The following CIMIP2A variants were observed in gnomAD, a reference collection of about 807,000 sequenced individuals.
CIMIP2A encodes the protein family with sequence similarity 166 member A.
At chr9:137,253,632 C>A in the CIMIP2A span, 1 of 665,516 alleles carries the variant, frequency 1.5e-6, no homozygotes, top group Non-Finnish European at 2.3e-6. Context: ...CAGCCTGTGA[C>A]TGACCCTGAG....
the CIMIP2A span, chr9:137,252,755 G>A: frequency 3.2e-6 from 5 of 1,560,360 alleles, no homozygotes; most frequent in East Asian, 9.6e-5. Flanking sequence ...GACACCTGAA[G>A]GCCACACCCA....
At chr9:137,245,357 C>G in the CIMIP2A span, 2 of 1,608,676 alleles carry the variant, frequency 1.2e-6, no homozygotes, top group South Asian at 1.1e-5. Context: ...TTCCAGGCCT[C>G]TTCCCCGTAT....
the CIMIP2A span, chr9:137,243,819 G>T: frequency 6.2e-7 from 1 of 1,610,896 alleles, no homozygotes; most frequent in Non-Finnish European, 8.5e-7. Flanking sequence ...GCTGAGCTGG[G>T]CTTATGTGCC....
chr9:137,246,410 C>T, the CIMIP2A span, among the ~76,000 whole-genome samples: 2 of 152,180 alleles, frequency 1.3e-5, no homozygotes, highest in African/African-American at 4.8e-5. Context: ...TGGTCACAGG[C>T]GGTTCAGCGC....
At chr9:137,245,013 C>T in the CIMIP2A span, 1 of 1,610,170 alleles carries the variant, frequency 6.2e-7, no homozygotes, top group Non-Finnish European at 8.5e-7. Context: ...GTGGCAGCCT[C>T]CTCAGGGGCT....
At chr9:137,247,415 G>GT in the CIMIP2A span, among the ~76,000 whole-genome samples, 14 of 152,268 alleles carry the variant, frequency 9.2e-5, no homozygotes, top group Admixed American at 2.6e-4. Flanking sequence ...TGGCCACCAG[G>GT]TATCGAGTTC....
At chr9:137,247,144 G>A in the CIMIP2A span, among the ~76,000 whole-genome samples, 1 of 152,180 alleles carries the variant, frequency 6.6e-6, no homozygotes, top group East Asian at 1.9e-4. Flanking sequence ...AATTAGCCAG[G>A]TGTGGTGGCA....
the CIMIP2A span, chr9:137,244,516 A>G: frequency 1.3e-6 from 2 of 1,510,924 alleles, no homozygotes; most frequent in South Asian, 2.6e-5. Context: ...GGAGAGAGCC[A>G]GGCAGAGCCC....
At chr9:137,244,436 T>C in the CIMIP2A span, 2 of 1,518,926 alleles carry the variant, frequency 1.3e-6, no homozygotes, top group Non-Finnish European at 1.8e-6. Flanking sequence ...TACCCCCGAC[T>C]CCAAAACTTG....
chr9:137,254,665 G>C, the CIMIP2A span, among the ~76,000 whole-genome samples: 1 of 152,244 alleles, frequency 6.6e-6, no homozygotes, highest in Admixed American at 6.5e-5. Flanking sequence ...CAGCCTGCGG[G>C]AGGGCGGCGG....
the CIMIP2A span, chr9:137,243,876 C>A: frequency 7.1e-7 from 1 of 1,407,758 alleles, no homozygotes; most frequent in Admixed American, 1.7e-5. Flanking sequence ...AAGTGTGGGG[C>A]TGCCCTGGGC....
chr9:137,247,011 C>T, the CIMIP2A span, among the ~76,000 whole-genome samples: 5 of 152,042 alleles, frequency 3.3e-5, no homozygotes, highest in East Asian at 3.9e-4. Context: ...CCTGGCCGGG[C>T]GTGGTGGCTT....
the CIMIP2A span, chr9:137,243,688 A>G: frequency 3.7e-6 from 6 of 1,614,128 alleles, no homozygotes; most frequent in East Asian, 1.3e-4. Context: ...AGACACCACC[A>G]TTAAAGCATT....
the CIMIP2A span, among the ~76,000 whole-genome samples, chr9:137,249,469 T>C: frequency 6.6e-6 from 1 of 152,218 alleles, no homozygotes; most frequent in African/African-American, 2.4e-5. Flanking sequence ...TAGCCCTTGG[T>C]AGGGCCTTTT....
At chr9:137,243,866 A>G in the CIMIP2A span, 1 of 1,495,664 alleles carries the variant, frequency 6.7e-7, no homozygotes, top group Non-Finnish European at 9.3e-7. Context: ...GGCTTCAGAG[A>G]AGTGTGGGGC....
chr9:137,244,524 C>T, the CIMIP2A span: 1 of 1,517,912 alleles, frequency 6.6e-7, no homozygotes, highest in East Asian at 2.4e-5. Context: ...CCAGGCAGAG[C>T]CCCCTCCTCA....
At chr9:137,245,879 G>A in the CIMIP2A span, 4 of 1,483,010 alleles carry the variant, frequency 2.7e-6, no homozygotes, top group Admixed American at 2.4e-5. Context: ...AAGAAGGCAG[G>A]GCAGGTCTCA....
the CIMIP2A span, among the ~76,000 whole-genome samples, chr9:137,248,624 C>T: frequency 3.8e-4 from 58 of 151,812 alleles, no homozygotes; most frequent in African/African-American, 9.9e-4. Context: ...TTTCGGAGGC[C>T]GAGGCAGGAT....
chr9:137,247,859 G>A, the CIMIP2A span: 3 of 750,202 alleles, frequency 4.0e-6, no homozygotes, highest in South Asian at 3.3e-5. Flanking sequence ...CTAACCCTGT[G>A]AGGGCCCACA....
Sources: allele counts gnomAD v4.1 joint callset (sites outside exome capture counted in the v4.1 genomes callset), GRCh38; gene constraint gnomAD v4.1.1; transcripts MANE v1.5; gene names NCBI Gene and HGNC (gene_info 2026-07-23, HGNC 2026-07-21).